Variants in FNIP2 observed in about 807,000 individuals in gnomAD.
FNIP2 encodes folliculin-interacting protein 2.
FNIP2 carries 32 observed loss-of-function variants against 108.7 expected under a neutral mutation model. That is an observed-to-expected ratio of 0.29 (90% CI 0.22 to 0.40). The LOEUF is 0.40. Ranked by LOEUF, FNIP2 falls within the 10% of genes least tolerant of loss-of-function variation. FNIP2 has a pLI of 1.00. For synonymous variants in FNIP2, 480 were observed against 496.7 expected (o/e 0.97, Z 0.45); for missense variants, 1,202 against 1,381.6 (o/e 0.87, Z 2.06).
chr4:158,851,605 C>T (rs893965190), intron 8 of FNIP2, among the ~76,000 whole-genome samples, 155 bp downstream of exon 8: 1 of 152,156 alleles, frequency 6.6e-6, no homozygotes, highest in Non-Finnish European at 1.5e-5. Context: ...ATTGGAAGTT[C>T]TAAAGGGAAG....
Position 158,869,042 on chromosome 4 carries a change from A to G in FNIP2, c.2406A>G (p.Arg802=). ...GTTTTGCAGAGGACAGAGGCAGCAG[A>G]AACGACATGGCAGCAGATATTGCTG... is the stretch of plus-strand genomic sequence containing the variant. The part of the protein sequence containing the change: ...DKGFAEDRGS[R]NDMAADIAGQ... Residue 802 remains arginine, a synonymous_variant, in exon 13 of 17, where the codon AGA becomes AGG. Coordinates refer to ENST00000264433, the MANE Select transcript of FNIP2 (RefSeq NM_020840.3). 1 of 1,614,040 alleles carries G rather than the reference A, an allele frequency of 6.2e-7. No individual in the cohort carries two copies. Among genetic ancestry groups the G allele is most frequent in the Non-Finnish European group, 8.5e-7 (1 of 1,179,882 alleles).
intron 2 of FNIP2, among the ~76,000 whole-genome samples, chr4:158,827,097 A>C (rs2126567454): frequency 6.6e-6 from 1 of 152,330 alleles, no homozygotes; most frequent in South Asian, 2.1e-4. Flanking sequence ...CCAGGTGGCT[A>C]ATCATTACAG....
rs1778595979 is a variant in FNIP2 at position 158,833,531 on chromosome 4, G to T, written c.558G>T (p.Leu186Phe). The T allele has an allele frequency of 6.3e-7, 1 of 1,587,748 alleles. No homozygotes were observed. The highest frequency in any genetic ancestry group is 8.5e-7 in the Non-Finnish European group (1 of 1,169,896). ...MGSFCGSTNN[L>F]QDSFEYINQD... ...TCCCCCCCATCTCCGGATATAGCTT[G>T]CAAGACAGCTTTGAGTACATCAACC... is the stretch of plus-strand genomic sequence containing the variant. The change falls in exon 6 of 17, where the codon TTG (leucine) becomes TTT (phenylalanine). Residue 186 changes from leucine (L) to phenylalanine (F), a missense_variant. Transcript: ENST00000264433.
chr4:158,851,830 A>G (rs1241759421), intron 8 of FNIP2, among the ~76,000 whole-genome samples: 1 of 152,222 alleles, frequency 6.6e-6, no homozygotes, highest in Non-Finnish European at 1.5e-5. Context: ...TCAAAAATAT[A>G]TGAAGTCAAG....
At chr4:158,877,837 G>C (rs1402449421) in intron 14 of FNIP2, among the ~76,000 whole-genome samples, 1 of 152,192 alleles carries the variant, frequency 6.6e-6, no homozygotes, top group Non-Finnish European at 1.5e-5. Flanking sequence ...CTACTCAGGA[G>C]GCTGAGGTGG....
intron 6 of FNIP2, chr4:158,835,184 T>C (rs1778731692): frequency 3.8e-6 from 1 of 264,348 alleles, no homozygotes; most frequent in Non-Finnish European, 7.4e-6. Flanking sequence ...ATGCTTACAA[T>C]TGAATACAGG....
At position 158,769,106 on chromosome 4, in the gene FNIP2, G is replaced by A. The variant is rs1023540386; in HGVS notation, c.-107G>A. ...GCGGCCCCGCGCTCCCGCAAGGCTG[G>A]GCGGCCGCGCCGCCGCGATGGCCCC... On this transcript the variant is annotated 5_prime_UTR_variant, in exon 1 of 17. It introduces an in-frame stop codon into an upstream open reading frame of the 5' UTR. Transcript: ENST00000264433. 2.1e-5 allele frequency: 6 copies of A among 291,888 alleles called. No individual in the cohort carries two copies. Among genetic ancestry groups the A allele is most frequent in the Non-Finnish European group, 2.5e-5 (5 of 198,824 alleles). The allele number at this position is 291,888 out of a possible 1,614,324, so 18.1% of individuals were successfully genotyped here. A position where few individuals can be genotyped will look rare whatever the true frequency, so the allele number is the denominator to read the frequency against.
intron 15 of FNIP2, among the ~76,000 whole-genome samples, chr4:158,891,870 A>G (rs1389734119): frequency 6.6e-6 from 1 of 152,166 alleles, no homozygotes; most frequent in East Asian, 1.9e-4. Flanking sequence ...ATTTTTTGGA[A>G]TGAGGTATAT....
rs566615278 is a variant in FNIP2, at chr4:158,906,180, T to C, written c.*1636T>C. ...TAGCATTTGACTTTGGTGTTTTAAG[T>C]TCTGTAGTTCCATGACATCATTGTT... On this transcript the variant is annotated 3_prime_UTR_variant, in exon 17 of 17. Transcript: ENST00000264433. The C allele has an allele frequency of 1.1e-4, 16 of 152,368 alleles. No homozygotes were observed. Among genetic ancestry groups the C allele is most frequent in the Middle Eastern group, 3.4e-3 (1 of 294 alleles). The allele number at this position is 152,368 out of a possible 1,614,324, so 9.4% of individuals were successfully genotyped here.
intron 1 of FNIP2, chr4:158,794,679 T>G (rs1776525910): frequency 6.6e-6 from 1 of 152,418 alleles, no homozygotes; most frequent in Non-Finnish European, 1.5e-5. Flanking sequence ...TTAGTACATG[T>G]GCTGCCAAAG....
intron 1 of FNIP2, among the ~76,000 whole-genome samples, chr4:158,811,011 G>C (rs1456577261): frequency 6.6e-6 from 1 of 152,182 alleles, no homozygotes; most frequent in Non-Finnish European, 1.5e-5. Flanking sequence ...TTGCTGAACA[G>C]TGATGTAGCA....
intron 3 of FNIP2, among the ~76,000 whole-genome samples, chr4:158,830,459 TCAC>T (rs1778417009): frequency 6.6e-6 from 1 of 151,746 alleles, no homozygotes; most frequent in South Asian, 2.1e-4. Flanking sequence ...AGACGGGGTT[TCAC>T]CTTGTTAGCC....
At chr4:158,812,720 TG>T (rs1401999668) in intron 1 of FNIP2, among the ~76,000 whole-genome samples, 1 of 152,042 alleles carries the variant, frequency 6.6e-6, no homozygotes, top group Non-Finnish European at 1.5e-5. Flanking sequence ...TTGTTACCAC[TG>T]AGGAATCTGT....
At chr4:158,887,189 A>G (rs543008640) in intron 14 of FNIP2, among the ~76,000 whole-genome samples, 7 of 152,168 alleles carry the variant, frequency 4.6e-5, no homozygotes, top group Non-Finnish European at 1.0e-4. Context: ...AAATCAGTCA[A>G]TCTTAGGTTC....
Position 158,832,057 on chromosome 4 carries a change from C to G in FNIP2, c.483-10C>G. The G allele has an allele frequency of 6.2e-7, 1 of 1,612,378 alleles. No individual in the cohort carries two copies. Among genetic ancestry groups the G allele is most frequent in the Non-Finnish European group, 8.5e-7 (1 of 1,179,026 alleles). Reference sequence around the variant, plus strand: ...TTTATTTTTCCCCTCTCCTTTTTTCCCCTCCACAGTTCTCCTCCACAACTG... The same window carrying G: ...TTTATTTTTCCCCTCTCCTTTTTTCGCCTCCACAGTTCTCCTCCACAACTG... On this transcript the variant is annotated splice_polypyrimidine_tract_variant and intron_variant, in intron 4 of 16. Transcript: ENST00000264433.
At chr4:158,778,111 C>T (rs979507411) in intron 1 of FNIP2, among the ~76,000 whole-genome samples, 2 of 152,230 alleles carry the variant, frequency 1.3e-5, no homozygotes, top group African/African-American at 4.8e-5. Flanking sequence ...TCTGGTCAGA[C>T]ACTAAAGTCA....
chr4:158,774,436 A>G (rs931390495), intron 1 of FNIP2, among the ~76,000 whole-genome samples: 2 of 152,212 alleles, frequency 1.3e-5, no homozygotes, highest in Non-Finnish European at 2.9e-5. Flanking sequence ...AGCATTTAGC[A>G]TATTCTACAC....
At chr4:158,828,984 C>A in intron 2 of FNIP2, 95 bp from the exon 3 acceptor site, 1 of 1,045,334 alleles carries the variant, frequency 9.6e-7, no homozygotes, top group Non-Finnish European at 1.3e-6. Context: ...AACCTAGGCA[C>A]CAGAATGCTT....
chr4:158,848,659 A>G (rs190240736), intron 7 of FNIP2, among the ~76,000 whole-genome samples: 3 of 152,348 alleles, frequency 2.0e-5, no homozygotes, highest in East Asian at 3.9e-4. Context: ...CTGGAGAGAC[A>G]GAGATATGTG....
Sources: gnomAD v4.1 joint callset for allele counts (sites outside exome capture counted in the v4.1 genomes callset) on GRCh38, gnomAD v4.1.1 for gene constraint, MANE v1.5 for transcripts, NCBI Gene and HGNC (gene_info 2026-07-23, HGNC 2026-07-21) for gene names.